Variants in LZTFL1 observed in about 807,000 individuals in gnomAD.
LZTFL1 encodes the protein leucine zipper transcription factor like 1, also known as leucine zipper transcription factor-like protein 1.
A neutral mutation model predicts 45.9 loss-of-function variants in LZTFL1; 25 were observed. The observed-to-expected ratio is 0.54, with a 90% CI of 0.40 to 0.76. The LOEUF is 0.76. Ranked by LOEUF, LZTFL1 falls within the 30% of genes least tolerant of loss-of-function variation. The probability of loss-of-function intolerance (pLI) is 0.00; values close to 1 mark genes in which losing one functional copy is unlikely to be tolerated. For synonymous variants in LZTFL1, 93 were observed against 117.4 expected (o/e 0.79, Z 1.35); for missense variants, 277 against 331.1 (o/e 0.84, Z 1.27).
chr3:45,885,776 C>A (rs1234496360), intron 2 of LZTFL1, among the ~76,000 whole-genome samples: 1 of 152,210 alleles, frequency 6.6e-6, no homozygotes, highest in African/African-American at 2.4e-5. Context: ...GGGTGGAGTG[C>A]AGTGGTGCAA....
At chr3:45,844,617 A>T (rs1049039773), upstream of LZTFL1, among the ~76,000 whole-genome samples, 1 of 152,306 alleles carries the variant, frequency 6.6e-6, no homozygotes, top group African/African-American at 2.4e-5. Flanking sequence ...GGCTTCTTGC[A>T]TGAAGTTCTA....
At chr3:45,914,166 C>G (rs1258769547) in intron 1 of LZTFL1, among the ~76,000 whole-genome samples, 1 of 152,136 alleles carries the variant, frequency 6.6e-6, no homozygotes, top group African/African-American at 2.4e-5. Context: ...AAATTCTAAT[C>G]AAAACAGTGG....
At position 45,901,616 on chromosome 3, in the gene LZTFL1, G is replaced by GCAGA. The variant is rs1418947042; in HGVS notation, c.-215+11500_-215+11503dup. On this transcript the variant is annotated intron_variant, in intron 2 of 4. Transcript: ENST00000472635. This position sits in a 1 kb window ranked among gnomAD's most constrained non-coding sequence, Gnocchi z 4.3. The stretch of plus-strand genomic sequence containing the variant: ...TTCCCTACAACTGCATTTTGTTGGT[G>GCAGA]CAGACCATTGACGCCTATGCCATGT... 1 of 1,614,208 alleles carries GCAGA rather than the reference G, an allele frequency of 6.2e-7. No homozygotes were observed.
intron 2 of LZTFL1, among the ~76,000 whole-genome samples, chr3:45,897,367 A>C (rs776067013): frequency 6.6e-6 from 1 of 152,210 alleles, no homozygotes; most frequent in African/African-American, 2.4e-5. Flanking sequence ...AAGTAACTTC[A>C]TGCAAAAGCA....
chr3:45,874,708 C>T (rs1701722274), intron 2 of LZTFL1, among the ~76,000 whole-genome samples: 1 of 152,212 alleles, frequency 6.6e-6, no homozygotes, highest in Non-Finnish European at 1.5e-5. Context: ...GAGGTAGTGT[C>T]TGTCTCCCCA....
intron 2 of LZTFL1, among the ~76,000 whole-genome samples, chr3:45,911,990 A>T (rs779607986): frequency 1.4e-4 from 21 of 152,268 alleles, no homozygotes; most frequent in Admixed American, 2.6e-4. Context: ...TATTCCTGCC[A>T]CCAACTCCAA....
chr3:45,906,576 A>C (rs1313724608), intron 2 of LZTFL1, among the ~76,000 whole-genome samples: 1 of 152,222 alleles, frequency 6.6e-6, no homozygotes, highest in Non-Finnish European at 1.5e-5. Context: ...CAAATGCTAA[A>C]TGGTAACATG....
At chr3:45,857,794 G>A (rs1701417227) in intron 3 of LZTFL1, among the ~76,000 whole-genome samples, 1 of 152,142 alleles carries the variant, frequency 6.6e-6, no homozygotes, top group African/African-American at 2.4e-5. Context: ...TAAACCTTCT[G>A]TCTCCACATA....
chr3:45,830,596 AG>A (rs1700786986), intron 7 of LZTFL1, among the ~76,000 whole-genome samples: 1 of 152,164 alleles, frequency 6.6e-6, no homozygotes, highest in Non-Finnish European at 1.5e-5. Flanking sequence ...AAAAAAAAAA[AG>A]TGAGAATATC....
At chr3:45,914,106 G>C (rs1255731652) in intron 1 of LZTFL1, among the ~76,000 whole-genome samples, 1 of 152,146 alleles carries the variant, frequency 6.6e-6, no homozygotes. Flanking sequence ...AGGATCACAG[G>C]TAGAGTTAAA....
At position 45,900,724 on chromosome 3, in the gene LZTFL1, AG is replaced by A. The variant is rs981540287; in HGVS notation, c.-215+12395del. On this transcript the variant is annotated intron_variant, in intron 2 of 4. Coordinates refer to the LZTFL1 transcript ENST00000472635. The surrounding 1 kb of genome is among the most constrained non-coding windows in gnomAD (Gnocchi z 4.7). ...CTTATCATAGGTGTTTGGGGTTGGA[AG>A]GGTCAAGAGGTCCATGCCTCTGCCA... 7.2e-6 allele frequency: 10 copies of A among 1,390,818 alleles called. No individual in the cohort carries two copies. Among genetic ancestry groups the A allele is most frequent in the Admixed American group, 6.3e-5 (3 of 47,440 alleles). The allele number at this position is 1,390,818 out of a possible 1,614,324, so 86.2% of individuals were successfully genotyped here.
At chr3:45,851,884 T>C (rs1255112309) in intron 4 of LZTFL1, among the ~76,000 whole-genome samples, 9 of 151,974 alleles carry the variant, frequency 5.9e-5, no homozygotes, top group Non-Finnish European at 1.2e-4. Flanking sequence ...GTCACATAAC[T>C]AACTATATTG....
Position 45,901,087 on chromosome 3 carries a change from C to T in LZTFL1, c.-215+12033G>A. On this transcript the variant is annotated intron_variant, in intron 2 of 4. Coordinates refer to the LZTFL1 transcript ENST00000472635. The surrounding 1 kb of genome is among the most constrained non-coding windows in gnomAD (Gnocchi z 4.3). ...ATTGCTGACCTCCTCTTTCTTGTCA[C>T]TCTTCCCTTCTGGGCCATTGCTGCT... The T allele has an allele frequency of 6.2e-7, 1 of 1,614,170 alleles. No individual in the cohort carries two copies. The highest frequency in any genetic ancestry group is 8.5e-7 in the Non-Finnish European group (1 of 1,180,032).
At position 45,842,056 on chromosome 3, in the gene LZTFL1, G is replaced by A. The variant is rs1701134764; in HGVS notation, c.-65C>T. 5.0e-6 allele frequency: 8 copies of A among 1,600,352 alleles called. No individual in the cohort carries two copies. The East Asian group carries it at 1.6e-4, about 32-fold the overall frequency. Reference sequence around the variant, plus strand: ...GCCAGGCGGTGCCCCGCCAAGCCTGGGATCGCCGAGGGTAGTTGGACCACA... The same window carrying A: ...GCCAGGCGGTGCCCCGCCAAGCCTGAGATCGCCGAGGGTAGTTGGACCACA... On this transcript the variant is annotated 5_prime_UTR_variant, in exon 1 of 10. Transcript: ENST00000296135.
At chr3:45,841,521 G>T (rs1701112507) in intron 1 of LZTFL1, among the ~76,000 whole-genome samples, 1 of 152,228 alleles carries the variant, frequency 6.6e-6, no homozygotes, top group African/African-American at 2.4e-5. Flanking sequence ...CTGCTCCTCT[G>T]GTTACCGCGC....
intron 3 of LZTFL1, among the ~76,000 whole-genome samples, chr3:45,857,025 T>C (rs778557311): frequency 6.6e-6 from 1 of 152,218 alleles, no homozygotes; most frequent in Non-Finnish European, 1.5e-5. Flanking sequence ...ACTGGGTATA[T>C]ACCCAATGGA....
chr3:45,848,401 A>G (rs756234898), intron 4 of LZTFL1, among the ~76,000 whole-genome samples: 4 of 152,266 alleles, frequency 2.6e-5, no homozygotes, highest in African/African-American at 4.8e-5. Flanking sequence ...TACTTCCAGC[A>G]TCATTAGTGA....
At chr3:45,891,355 A>G (rs6441933) in intron 2 of LZTFL1, among the ~76,000 whole-genome samples, 78,315 of 152,160 alleles carry the variant, frequency 0.51, 23,338 homozygotes, top group African/African-American at 0.83. Flanking sequence ...GAAAAGTGAA[A>G]AATTGTGTAA....
intron 1 of LZTFL1, chr3:45,913,237 C>G: frequency 8.3e-7 from 1 of 1,210,892 alleles, no homozygotes. Context: ...ATTAACAAAC[C>G]AGTGCTGCAA....
Sources: gnomAD v4.1 joint callset for allele counts (sites outside exome capture counted in the v4.1 genomes callset) on GRCh38, gnomAD v4.1.1 for gene constraint, Gnocchi (gnomAD v3.1) non-coding constraint, MANE v1.5 for transcripts, NCBI Gene and HGNC (gene_info 2026-07-23, HGNC 2026-07-21) for gene names.